LZTS1: variants seen among roughly 807,000 people sequenced by gnomAD.
The protein encoded by LZTS1 is leucine zipper tumor suppressor 1.
In LZTS1, 31 loss-of-function variants were observed where a neutral mutation model predicts 45.8. That is an observed-to-expected ratio of 0.68 (90% CI 0.51 to 0.91). The LOEUF is 0.91. LZTS1 is among the 40% of genes least tolerant of loss of function. The pLI is 0.00. For synonymous variants in LZTS1, 359 were observed against 357.3 expected, an observed-to-expected ratio of 1.00 and a Z score of -0.05; for missense variants, 821 against 788.9, an observed-to-expected ratio of 1.04 and a Z score of -0.49.
At chr8:20,256,930 T>C (rs1800117994) in intron 1 of LZTS1, among the ~76,000 whole-genome samples, 1 of 152,072 alleles carries the variant, frequency 6.6e-6, no homozygotes, top group African/African-American at 2.4e-5. Flanking sequence ...ATGGTTAACA[T>C]GGAGCACTCG....
intron 1 of LZTS1, among the ~76,000 whole-genome samples, chr8:20,290,675 C>G (rs1800885771): frequency 6.6e-6 from 1 of 152,190 alleles, no homozygotes; most frequent in Admixed American, 6.5e-5. Context: ...GGATGTATGT[C>G]CTCTCCCACG....
intron 1 of LZTS1, among the ~76,000 whole-genome samples, chr8:20,286,578 A>G (rs1241629613): frequency 2.6e-5 from 4 of 152,242 alleles, no homozygotes; most frequent in Non-Finnish European, 4.4e-5. Flanking sequence ...GCTCAGCCAC[A>G]CTATGAAAAT....
intron 1 of LZTS1, among the ~76,000 whole-genome samples, chr8:20,302,051 C>A (rs960435903): frequency 2.6e-5 from 4 of 152,092 alleles, no homozygotes; most frequent in Non-Finnish European, 4.4e-5. Flanking sequence ...CCAGCTGAGA[C>A]CTCTTACTAG....
In LZTS1 at chr8:20,246,275, G is replaced by C. The variant is rs1799726641; in HGVS notation, c.*3447C>G. On this transcript the variant is annotated 3_prime_UTR_variant, in exon 4 of 4. Transcript: ENST00000381569. ...CAAAAATAAAATGAAGCTGTCAAAA[G>C]CAAACCAAACCAAACAAGAAACCAC... 6.6e-6 allele frequency: 1 copy of C among 152,564 alleles called. No homozygotes were observed. Among genetic ancestry groups the C allele is most frequent in the African/African-American group, 2.4e-5 (1 of 41,458 alleles). The allele number at this position is 152,564 out of a possible 1,614,324, so 9.5% of individuals were successfully genotyped here.
At chr8:20,283,087 C>T (rs1484652326) in intron 1 of LZTS1, among the ~76,000 whole-genome samples, 1 of 152,140 alleles carries the variant, frequency 6.6e-6, no homozygotes, top group Admixed American at 6.5e-5. Context: ...GTATCTCCAC[C>T]CAGTGATCTC....
chr8:20,249,535 G>T lies in LZTS1; in HGVS notation c.*187C>A. 1.5e-6 allele frequency: 1 copy of T among 685,524 alleles called. No homozygotes were observed. Among genetic ancestry groups the T allele is most frequent in the Non-Finnish European group, 2.4e-6 (1 of 417,384 alleles). The allele number at this position is 685,524 out of a possible 1,614,324, so 42.5% of individuals were successfully genotyped here. Reference sequence around the variant, plus strand: ...GGGCCTGACGTCTGGTGGGCTGCAGGGCTGGTGAGCACTGGGACATCAGAG... The same window carrying T: ...GGGCCTGACGTCTGGTGGGCTGCAGTGCTGGTGAGCACTGGGACATCAGAG... On this transcript the variant is annotated 3_prime_UTR_variant, in exon 4 of 4. Transcript: ENST00000381569.
At chr8:20,261,014 A>G (rs1800217062) in intron 1 of LZTS1, among the ~76,000 whole-genome samples, 1 of 152,186 alleles carries the variant, frequency 6.6e-6, no homozygotes, top group Admixed American at 6.5e-5. Flanking sequence ...TCCCAAATCC[A>G]TCTTCTCACC....
At chr8:20,258,655 G>A (rs764220235) in intron 1 of LZTS1, among the ~76,000 whole-genome samples, 1 of 152,208 alleles carries the variant, frequency 6.6e-6, no homozygotes, top group Non-Finnish European at 1.5e-5. Context: ...ATCGTTATGA[G>A]AAATTTAAGA....
intron 1 of LZTS1, among the ~76,000 whole-genome samples, chr8:20,273,776 T>A (rs4922147): frequency 0.77 from 115,557 of 149,786 alleles, 47,011 homozygotes; most frequent in East Asian, 0.98. Context: ...CCTGTTATAT[T>A]TGTTTTTTTT....
intron 1 of LZTS1, among the ~76,000 whole-genome samples, chr8:20,283,006 T>C (rs1294862857): frequency 1.3e-5 from 2 of 152,188 alleles, no homozygotes; most frequent in Non-Finnish European, 2.9e-5. Flanking sequence ...TCATGCACCA[T>C]GGAGCATCCC....
intron 1 of LZTS1, chr8:20,290,034 G>C (rs1457181962): frequency 6.6e-6 from 1 of 152,238 alleles, no homozygotes; most frequent in Non-Finnish European, 1.5e-5. Context: ...CCTAGAACCA[G>C]ACAGCTCTCA....
At chr8:20,297,612 C>T (rs1056474056) in intron 1 of LZTS1, among the ~76,000 whole-genome samples, 73 of 152,240 alleles carry the variant, frequency 4.8e-4, no homozygotes, top group African/African-American at 1.6e-3. Flanking sequence ...GATGGGATTT[C>T]GCCATGTTGA....
intron 1 of LZTS1, among the ~76,000 whole-genome samples, chr8:20,270,456 G>C (rs1800449217): frequency 6.6e-6 from 1 of 152,232 alleles, no homozygotes; most frequent in African/African-American, 2.4e-5. Flanking sequence ...GGTGATAAGT[G>C]CTGTCTTTCC....
Position 20,253,285 on chromosome 8 carries a change from C to G in LZTS1, c.646G>C (p.Gly216Arg). 6.2e-7 allele frequency: 1 copy of G among 1,614,074 alleles called. No individual in the cohort carries two copies. The highest frequency in any genetic ancestry group is 8.5e-7 in the Non-Finnish European group (1 of 1,180,036). Residue 216 changes from glycine (G) to arginine (R), a missense_variant, in exon 3 of 4, where the codon GGC (glycine) becomes CGC (arginine). Coordinates refer to ENST00000381569, the MANE Select transcript of LZTS1 (RefSeq NM_021020.5). ...FGGSAHNITQ[G>R]IVLQDSNMMS... The stretch of plus-strand genomic sequence containing the variant: ...ATGTTGCTGTCCTGGAGGACGATGC[C>G]CTGGGTGATGTTGTGGGCGGAGCCC...
chr8:20,284,839 A>G (rs1353179217), intron 1 of LZTS1, among the ~76,000 whole-genome samples: 2 of 152,198 alleles, frequency 1.3e-5, no homozygotes, highest in East Asian at 3.9e-4. Flanking sequence ...TATCTGCCTG[A>G]TAACCTTTCC....
chr8:20,252,640 C>G (rs371111033), intron 3 of LZTS1, 142 bp downstream of exon 3: 5 of 598,608 alleles, frequency 8.4e-6, no homozygotes. Flanking sequence ...GGAGCCCCTT[C>G]TTTGGGTGAT....
chr8:20,279,627 G>A (rs1800648059), intron 1 of LZTS1, among the ~76,000 whole-genome samples: 1 of 148,092 alleles, frequency 6.8e-6, no homozygotes, highest in Admixed American at 6.8e-5. Context: ...CTTAAGTCCA[G>A]GAGTTCCAGG....
intron 1 of LZTS1, among the ~76,000 whole-genome samples, chr8:20,271,587 G>A (rs895040981): frequency 6.6e-6 from 1 of 152,142 alleles, no homozygotes; most frequent in African/African-American, 2.4e-5. Flanking sequence ...TGGCCCCGGT[G>A]ACGCTGAGTG....
In LZTS1 at chr8:20,250,183, C is replaced by T. The variant is rs1799855279; in HGVS notation, c.1330G>A (p.Gly444Ser). ...QDLEGALRTK[G>S]LELEVCENEL... ...TTCTCACAGACCTCCAGCTCCAGGC[C>T]CTTGGTGCGCAGGGCGCCCTCCAGG... is the stretch of plus-strand genomic sequence containing the variant. Residue 444 changes from glycine (G) to serine (S), a missense_variant, in exon 4 of 4, where the codon GGC becomes AGC. By Grantham distance (56) the Gly-to-Ser change is moderately conservative. Coordinates refer to ENST00000381569, the MANE Select transcript of LZTS1 (RefSeq NM_021020.5). The T allele has an allele frequency of 1.9e-6, 3 of 1,611,478 alleles. No homozygotes were observed. The highest frequency in any genetic ancestry group is 8.5e-7 in the Non-Finnish European group (1 of 1,179,814).
Sources: gnomAD v4.1 joint callset for allele counts (sites outside exome capture counted in the v4.1 genomes callset) on GRCh38, gnomAD v4.1.1 for gene constraint, MANE v1.5 for transcripts, NCBI Gene and HGNC (gene_info 2026-07-23, HGNC 2026-07-21) for gene names.